Variants in HOOK3 observed in about 807,000 individuals in gnomAD.
The protein encoded by HOOK3 is hook microtubule tethering protein 3, also known as protein Hook homolog 3.
HOOK3 carries 24 observed loss-of-function variants against 116.3 expected under a neutral mutation model. The observed-to-expected ratio is 0.21, with a 90% confidence interval of 0.15 to 0.29. HOOK3 has a LOEUF of 0.29. HOOK3 is among the 10% of genes least tolerant of loss of function. The probability of loss-of-function intolerance (pLI) is 1.00; values close to 1 mark genes in which losing one functional copy is unlikely to be tolerated. For missense variants in HOOK3, 632 were observed against 830.2 expected, an observed-to-expected ratio of 0.76 and a Z score of 2.93; for synonymous variants, 275 against 283.0, an observed-to-expected ratio of 0.97 and a Z score of 0.28.
At chr8:42,947,664 A>G (rs1808254344) in intron 5 of HOOK3, among the ~76,000 whole-genome samples, 1 of 152,238 alleles carries the variant, frequency 6.6e-6, no homozygotes, top group South Asian at 2.1e-4. Context: ...AGAATCAAGT[A>G]CATGAGTGTC....
chr8:42,965,997 A>T (rs1296471875), intron 9 of HOOK3, among the ~76,000 whole-genome samples: 3 of 152,222 alleles, frequency 2.0e-5, no homozygotes, highest in African/African-American at 7.2e-5. Flanking sequence ...ATGTAGAAAC[A>T]AATATGAGAA....
At chr8:43,000,217 G>A in intron 16 of HOOK3, 1 of 1,201,392 alleles carries the variant, frequency 8.3e-7, no homozygotes, top group Non-Finnish European at 1.1e-6. Context: ...TGGCTGCTGT[G>A]TTTGCTTCAT....
rs566072109 is a variant in HOOK3, at chr8:42,979,789, T to A, written c.1322-2838T>A. Among the ~76,000 whole-genome samples, 4 of 152,118 alleles carry A rather than the reference T, an allele frequency of 2.6e-5. No individual in the cohort carries two copies. The East Asian group carries it at 7.7e-4, about 29-fold the overall frequency. On this transcript the variant is annotated intron_variant, in intron 13 of 21. Transcript: ENST00000307602. ...TCAAACCCTAATTGAAATATCCTAA[T>A]TTTTTTTCCCTATTCCAGATTACCA...
chr8:42,922,949 C>T (rs1412722637), intron 2 of HOOK3, among the ~76,000 whole-genome samples: 4 of 151,576 alleles, frequency 2.6e-5, no homozygotes, highest in Admixed American at 6.6e-5. Context: ...ATTCACACAT[C>T]ATATGTCTGT....
intron 2 of HOOK3, among the ~76,000 whole-genome samples, chr8:42,918,371 G>C (rs1039385594): frequency 6.6e-6 from 1 of 152,036 alleles, no homozygotes; most frequent in African/African-American, 2.4e-5. Flanking sequence ...AAATTACATT[G>C]CTTCAATAAT....
chr8:43,015,547 T>G (rs1225580013), intron 21 of HOOK3, among the ~76,000 whole-genome samples: 1 of 152,026 alleles, frequency 6.6e-6, no homozygotes, highest in Non-Finnish European at 1.5e-5. Flanking sequence ...CAAATACAGA[T>G]TTCTTGAAAA....
At position 43,019,741 on chromosome 8, in the gene HOOK3, T is replaced by C. The variant is rs917989781; in HGVS notation, c.*1243T>C. 3 of 204,868 alleles carry C rather than the reference T, an allele frequency of 1.5e-5. No homozygotes were observed. Among genetic ancestry groups the C allele is most frequent in the African/African-American group, 6.9e-5 (3 of 43,786 alleles). The allele number at this position is 204,868 out of a possible 1,614,324, so 12.7% of individuals were successfully genotyped here. ...TATAAGGTGCTATATAAGTGTGAAA[T>C]ATCATTCATTTATAAATGAAATGCC... On this transcript the variant is annotated 3_prime_UTR_variant, in exon 22 of 22. Transcript: ENST00000307602.
intron 17 of HOOK3, among the ~76,000 whole-genome samples, chr8:43,005,889 G>A (rs1463600906): frequency 6.6e-6 from 1 of 151,106 alleles, no homozygotes; most frequent in Non-Finnish European, 1.5e-5. Context: ...TAGAGACGGG[G>A]TTTCACCATG....
At chr8:42,947,548 C>A (rs1456375090) in intron 5 of HOOK3, among the ~76,000 whole-genome samples, 1 of 152,110 alleles carries the variant, frequency 6.6e-6, no homozygotes, top group Non-Finnish European at 1.5e-5. Context: ...GATTGAGTTT[C>A]CCCCCAAAAT....
chr8:43,007,091 A>G (rs1430673658), intron 17 of HOOK3, among the ~76,000 whole-genome samples: 1 of 128,992 alleles, frequency 7.8e-6, no homozygotes, highest in Non-Finnish European at 1.5e-5. Flanking sequence ...CAGTGGCACC[A>G]TCTTGGCTCA....
At chr8:42,953,810 G>A (rs1808385063) in intron 6 of HOOK3, among the ~76,000 whole-genome samples, 1 of 152,084 alleles carries the variant, frequency 6.6e-6, no homozygotes, top group Non-Finnish European at 1.5e-5. Flanking sequence ...CCTGTGAGGT[G>A]TATATTATTG....
chr8:42,965,433 T>A (rs996797417), intron 9 of HOOK3, among the ~76,000 whole-genome samples: 3 of 152,140 alleles, frequency 2.0e-5, no homozygotes, highest in African/African-American at 7.2e-5. Flanking sequence ...TCCAGACATC[T>A]TCTGTGGGAA....
chr8:42,975,897 G>C (rs930651293), intron 13 of HOOK3, among the ~76,000 whole-genome samples: 1 of 152,084 alleles, frequency 6.6e-6, no homozygotes, highest in African/African-American at 2.4e-5. Flanking sequence ...AGTAGAGACA[G>C]GGTTTCACCG....
intron 21 of HOOK3, among the ~76,000 whole-genome samples, chr8:43,014,638 C>T (rs931666294): frequency 6.6e-6 from 1 of 152,030 alleles, no homozygotes; most frequent in African/African-American, 2.4e-5. Flanking sequence ...CGTGAGCCAC[C>T]GCACCCAGCC....
intron 6 of HOOK3, among the ~76,000 whole-genome samples, chr8:42,955,702 G>C (rs1024892039): frequency 1.3e-5 from 2 of 152,020 alleles, no homozygotes; most frequent in African/African-American, 4.8e-5. Flanking sequence ...AAGACAAGAA[G>C]AAAGTACAGA....
rs1586641145 is a variant in HOOK3, at chr8:43,027,569, G to A, written c.*9071G>A. On this transcript the variant is annotated 3_prime_UTR_variant, in exon 22 of 22. Transcript: ENST00000307602. ...TCTAGACCCTGGCCTTTGAGGGAAAGGACTGCTTTTTTTCTCTCCCAAATT... is the reference window on the plus strand; with the variant it reads ...TCTAGACCCTGGCCTTTGAGGGAAAAGACTGCTTTTTTTCTCTCCCAAATT... The A allele has an allele frequency of 8.9e-6, 2 of 223,480 alleles. No individual in the cohort carries two copies. Among genetic ancestry groups the A allele is most frequent in the South Asian group, 1.1e-4 (1 of 9,428 alleles). The allele number at this position is 223,480 out of a possible 1,614,324, so 13.8% of individuals were successfully genotyped here.
intron 5 of HOOK3, among the ~76,000 whole-genome samples, chr8:42,946,017 G>GT (rs34506782): frequency 0.049 from 7,386 of 152,064 alleles, 235 homozygotes; most frequent in South Asian, 0.086. Flanking sequence ...GAAATCACTT[G>GT]TTTTCTAAAA....
intron 9 of HOOK3, among the ~76,000 whole-genome samples, chr8:42,965,328 C>CGTGT (rs397720053): frequency 6.6e-6 from 1 of 151,066 alleles, no homozygotes; most frequent in African/African-American, 2.4e-5. Flanking sequence ...AATCTATATA[C>CGTGT]GTGTGTGTGT....
chr8:42,980,643 C>G (rs1457042571), intron 13 of HOOK3, among the ~76,000 whole-genome samples: 2 of 152,118 alleles, frequency 1.3e-5, no homozygotes, highest in East Asian at 3.9e-4. Context: ...AATCCCAGCA[C>G]TTTGAAAGTC....
Sources: gnomAD v4.1 joint callset for allele counts (sites outside exome capture counted in the v4.1 genomes callset) on GRCh38, gnomAD v4.1.1 for gene constraint, MANE v1.5 for transcripts, NCBI Gene and HGNC (gene_info 2026-07-23, HGNC 2026-07-21) for gene names.